FAM171A1: variants seen among roughly 807,000 people sequenced by gnomAD.
The protein encoded by FAM171A1 is protein FAM171A1.
A neutral mutation model predicts 74.9 loss-of-function variants in FAM171A1; 23 were observed. That is an observed-to-expected ratio of 0.31 (90% CI 0.22 to 0.44). The LOEUF is 0.44. Among genes scored for constraint, FAM171A1 ranks in the 20% least tolerant of loss-of-function variants. FAM171A1 has a pLI of 1.00. For missense variants in FAM171A1, 1,162 were observed against 1,159.2 expected, an observed-to-expected ratio of 1.00 and a Z score of -0.03; for synonymous variants, 527 against 505.7, an observed-to-expected ratio of 1.04 and a Z score of -0.57.
rs1459389667 is a variant in FAM171A1, at chr10:15,284,101, C to G, written c.102G>C (p.Val34=). The change falls in exon 2 of 8, where the codon GTG becomes GTC. Residue 34 remains valine, a synonymous_variant. Coordinates refer to ENST00000378116, the MANE Select transcript of FAM171A1 (RefSeq NM_001010924.2). The part of the protein sequence containing the change: ...LREPGAGAQE[V]TLKVHISDAS... Reference sequence around the variant, plus strand: ...CGTCGCTGATGTGCACCTTTAACGTCACCTCTGGAGGTAGAGAAAGCACAA... The same window carrying G: ...CGTCGCTGATGTGCACCTTTAACGTGACCTCTGGAGGTAGAGAAAGCACAA... The G allele has an allele frequency of 6.2e-6, 10 of 1,613,042 alleles. No homozygotes were observed. Among genetic ancestry groups the G allele is most frequent in the Non-Finnish European group, 8.5e-6 (10 of 1,179,964 alleles).
chr10:15,231,405 G>A (rs1474141475), intron 5 of FAM171A1, among the ~76,000 whole-genome samples: 1 of 151,936 alleles, frequency 6.6e-6, no homozygotes, highest in Non-Finnish European at 1.5e-5. Context: ...GTCTTGCTAT[G>A]TTACCTGAGC....
At chr10:15,353,926 G>C (rs187423367) in intron 1 of FAM171A1, among the ~76,000 whole-genome samples, 15 of 152,326 alleles carry the variant, frequency 9.8e-5, no homozygotes, top group African/African-American at 3.1e-4. Context: ...AAACAGCTCA[G>C]CTCCATTCAA....
rs1282502358 is a variant in FAM171A1 at position 15,214,383 on chromosome 10, A to C, written c.1205T>G (p.Met402Arg). 1 of 1,613,644 alleles carries C rather than the reference A, an allele frequency of 6.2e-7. No homozygotes were observed. The highest frequency in any genetic ancestry group is 8.5e-7 in the Non-Finnish European group (1 of 1,179,822). Residue 402 changes from methionine (M) to arginine (R), a missense_variant, in exon 8 of 8, where the codon ATG becomes AGG. Physicochemically the swap from Met to Arg is moderately conservative, Grantham distance 91. Transcript: ENST00000378116. ...ELMSGVHLEM[M>R]SPGGEGDLHT... ...CAGGTCCCCTTCGCCGCCCGGAGAC[A>C]TCATTTCCAAATGGACTCCACTCAT...
chr10:15,277,733 T>G (rs2131801819), intron 2 of FAM171A1, among the ~76,000 whole-genome samples: 1 of 152,198 alleles, frequency 6.6e-6, no homozygotes, highest in Admixed American at 6.5e-5. Context: ...AGATAAGTGC[T>G]AAGAAGATCA....
chr10:15,282,798 A>G (rs1263674938), intron 2 of FAM171A1, among the ~76,000 whole-genome samples: 1 of 152,016 alleles, frequency 6.6e-6, no homozygotes, highest in African/African-American at 2.4e-5. Flanking sequence ...TGCAGACTCG[A>G]CTCTAATGTT....
chr10:15,353,958 T>C (rs1458439706), intron 1 of FAM171A1, among the ~76,000 whole-genome samples: 1 of 152,184 alleles, frequency 6.6e-6, no homozygotes, highest in Non-Finnish European at 1.5e-5. Flanking sequence ...GCATGCACGC[T>C]CATCTGAAAT....
At position 15,324,951 on chromosome 10, in the gene FAM171A1, G is replaced by A. The variant is rs569856836; in HGVS notation, c.98-40846C>T. On this transcript the variant is annotated intron_variant, in intron 1 of 7. Transcript: ENST00000378116. Reference sequence around the variant, plus strand: ...CAGCCAGCACTTGCACTCCGCATCTGAGGATTCCCAACAAAATGGAAAAGG... The same window carrying A: ...CAGCCAGCACTTGCACTCCGCATCTAAGGATTCCCAACAAAATGGAAAAGG... Among the ~76,000 whole-genome samples, 319 of 152,340 alleles carry A rather than the reference G, an allele frequency of 2.1e-3. 2 individuals are homozygous for A. The highest frequency in any genetic ancestry group is 7.2e-3 in the African/African-American group (298 of 41,578).
At chr10:15,320,089 T>A (rs954508655) in intron 1 of FAM171A1, among the ~76,000 whole-genome samples, 3 of 152,268 alleles carry the variant, frequency 2.0e-5, no homozygotes, top group Non-Finnish European at 2.9e-5. Context: ...ATGAACATAG[T>A]CCCCAAGAGG....
At chr10:15,235,404 T>C (rs976961676) in intron 5 of FAM171A1, among the ~76,000 whole-genome samples, 7 of 150,438 alleles carry the variant, frequency 4.7e-5, no homozygotes, top group African/African-American at 7.3e-5. Flanking sequence ...TCAATATTAC[T>C]GAACTGAACT....
chr10:15,240,647 G>A (rs1317049877), intron 5 of FAM171A1: 2 of 910,618 alleles, frequency 2.2e-6, no homozygotes, highest in Non-Finnish European at 2.6e-6. Flanking sequence ...AGCATCTCTA[G>A]TTCTCTCTCC....
chr10:15,255,948 C>A (rs1339330908), intron 3 of FAM171A1, among the ~76,000 whole-genome samples: 1 of 151,550 alleles, frequency 6.6e-6, no homozygotes, highest in African/African-American at 2.4e-5. Flanking sequence ...GCGCCTGGCC[C>A]AGATGTTGTT....
intron 1 of FAM171A1, among the ~76,000 whole-genome samples, chr10:15,340,417 T>C (rs901932843): frequency 2.6e-5 from 4 of 152,208 alleles, no homozygotes; most frequent in South Asian, 2.1e-4. Context: ...TCCCACTATA[T>C]TGAAATTTCT....
chr10:15,343,415 G>A (rs972772972), intron 1 of FAM171A1, among the ~76,000 whole-genome samples: 1 of 152,236 alleles, frequency 6.6e-6, no homozygotes, highest in African/African-American at 2.4e-5. Context: ...AATCCAGGGC[G>A]GGAAGTGTCT....
intron 1 of FAM171A1, among the ~76,000 whole-genome samples, chr10:15,301,688 T>C (rs1835231630): frequency 6.6e-6 from 1 of 152,144 alleles, no homozygotes; most frequent in Admixed American, 6.5e-5. Flanking sequence ...CATTGCCCTG[T>C]GGGAAATGGG....
chr10:15,370,319 G>C (rs1836123414), intron 1 of FAM171A1, among the ~76,000 whole-genome samples: 1 of 151,202 alleles, frequency 6.6e-6, no homozygotes, highest in Admixed American at 6.6e-5. Context: ...AAGACTCATG[G>C]GCCGCTGAGC....
At chr10:15,308,047 A>T (rs1273546143) in intron 1 of FAM171A1, among the ~76,000 whole-genome samples, 1 of 152,148 alleles carries the variant, frequency 6.6e-6, no homozygotes, top group African/African-American at 2.4e-5. Context: ...CCTGGCCTCA[A>T]GTAATCCACC....
At chr10:15,263,041 G>T (rs1834680495) in intron 3 of FAM171A1, among the ~76,000 whole-genome samples, 1 of 152,192 alleles carries the variant, frequency 6.6e-6, no homozygotes, top group Non-Finnish European at 1.5e-5. Context: ...CACAGCAGCT[G>T]CCCGGGGAAC....
chr10:15,228,336 ATTTTTT>A (rs71390021), intron 5 of FAM171A1, among the ~76,000 whole-genome samples: 5 of 123,958 alleles, frequency 4.0e-5, no homozygotes, highest in African/African-American at 3.1e-5. Flanking sequence ...AAGTGGGAGT[ATTTTTT>A]TTTTTTTTTT....
At position 15,214,435 on chromosome 10, in the gene FAM171A1, G is replaced by T. The variant is rs368467593; in HGVS notation, c.1153C>A (p.Pro385Thr). ...GPLSVTSHGR[P>T]EAPGTKELMS... Reference sequence around the variant, plus strand: ...AGTTCCTTCGTGCCGGGGGCCTCGGGGCGGCCGTGGCTGGTGACGGACAGC... The same window carrying T: ...AGTTCCTTCGTGCCGGGGGCCTCGGTGCGGCCGTGGCTGGTGACGGACAGC... Residue 385 changes from proline to threonine, a missense_variant, in exon 8 of 8, where the codon CCC becomes ACC. Physicochemically the swap from Pro to Thr is conservative, Grantham distance 38 (BLOSUM62 -1). Coordinates refer to ENST00000378116, the MANE Select transcript of FAM171A1 (RefSeq NM_001010924.2). 6.2e-6 allele frequency: 10 copies of T among 1,614,022 alleles called. No homozygotes were observed. Among genetic ancestry groups the T allele is most frequent in the Non-Finnish European group, 8.5e-6 (10 of 1,180,036 alleles).
Sources: allele counts gnomAD v4.1 joint callset (sites outside exome capture counted in the v4.1 genomes callset), GRCh38; gene constraint gnomAD v4.1.1; transcripts MANE v1.5; gene names NCBI Gene and HGNC (gene_info 2026-07-23, HGNC 2026-07-21).